The following CASK variants were observed in gnomAD, a reference collection of about 807,000 sequenced individuals.
CASK encodes the protein calcium/calmodulin dependent serine protein kinase.
Under a neutral mutation model 82.9 loss-of-function variants are expected in CASK, and 4 were observed. The ratio of observed to expected loss-of-function variants is 0.05; its 90% CI spans 0.02 to 0.11. The LOEUF (loss-of-function observed/expected upper bound fraction) is 0.11. Among genes scored for constraint, CASK ranks in the 10% least tolerant of loss-of-function variants. The pLI, the probability that CASK is intolerant of heterozygous loss-of-function variation, is 1.00. For missense variants in CASK, 358 were observed against 720.9 expected, an observed-to-expected ratio of 0.50 and a Z score of 5.76; for synonymous variants, 259 against 253.5, an observed-to-expected ratio of 1.02 and a Z score of -0.20.
chrX:41,721,636 T>A (rs1342482221), intron 5 of CASK, among the ~76,000 whole-genome samples: 1 of 112,186 alleles, frequency 8.9e-6, no homozygotes, highest in African/African-American at 3.2e-5. Context: ...AATTTCTTTC[T>A]AAGGCAGAGA....
At chrX:41,748,585 A>G (rs766922972) in intron 3 of CASK, 47 of 209,227 alleles carry the variant, frequency 2.2e-4, no homozygotes, top group African/African-American at 4.2e-4. Flanking sequence ...TATAGGAGGG[A>G]AAATCCTGGA....
chrX:41,787,340 G>C, intron 2 of CASK, 57 bp from the exon 3 acceptor site: 2 of 657,964 alleles, frequency 3.0e-6, no homozygotes, highest in Non-Finnish European at 5.1e-6. Flanking sequence ...CAATTAGAGT[G>C]AATGATGAAT....
At chrX:41,692,989 T>C (rs934169344) in intron 5 of CASK, among the ~76,000 whole-genome samples, 3 of 112,195 alleles carry the variant, frequency 2.7e-5, no homozygotes, top group African/African-American at 9.7e-5. Flanking sequence ...ATAATATTTA[T>C]TATGCTAAGC....
chrX:41,541,209 C>T (rs2064942364), intron 22 of CASK, among the ~76,000 whole-genome samples: 1 of 112,245 alleles, frequency 8.9e-6, no homozygotes, highest in South Asian at 3.7e-4. Context: ...TCTGCTGATA[C>T]TGCTGTGCAT....
At chrX:41,699,482 T>G (rs966177949) in intron 5 of CASK, among the ~76,000 whole-genome samples, 8 of 111,352 alleles carry the variant, frequency 7.2e-5, no homozygotes, top group Non-Finnish European at 1.5e-4. Flanking sequence ...TTCCTTCATG[T>G]CCTCAAACTT....
chrX:41,873,406 G>A (rs1385932246), intron 1 of CASK, among the ~76,000 whole-genome samples: 1 of 110,359 alleles, frequency 9.1e-6, no homozygotes, highest in African/African-American at 3.3e-5. Context: ...TGAAGTAAAA[G>A]GTGAAAAATG....
chrX:41,728,753 C>A (rs972595726), intron 5 of CASK: 6 of 122,219 alleles, frequency 4.9e-5, no homozygotes, highest in Non-Finnish European at 1.1e-4. Flanking sequence ...TAAAACAAAA[C>A]AAAAAAATAA....
At position 41,555,627 on chromosome X, in the gene CASK, T is replaced by G; in HGVS notation, c.1815A>C (p.Pro605=). 8.3e-7 allele frequency: 1 copy of G among 1,202,299 alleles called. No homozygotes were observed. The highest frequency in any genetic ancestry group is 1.1e-6 in the Non-Finnish European group (1 of 886,939). ...GTCGTCCTTTTGGTTGGGTAGTTGA[T>G]GGCAAGTCCTGTAGAATAAAGCCAA... is the stretch of plus-strand genomic sequence containing the variant. ...SSTNNSVSDL[P]STTQPKGRQI... is the part of the protein sequence containing the mutation. The change falls in exon 20 of 27, where the codon CCA becomes CCC. Residue 605 remains proline, a synonymous_variant. Coordinates refer to ENST00000378163, the MANE Select transcript of CASK (RefSeq NM_001367721.1).
chrX:41,873,306 AAGAG>A (rs1262905309), intron 1 of CASK, among the ~76,000 whole-genome samples: 104 of 105,517 alleles, frequency 9.9e-4, no homozygotes, highest in African/African-American at 3.1e-3. Context: ...AAAAAAAAAA[AAGAG>A]AGAGAGAGAG....
chrX:41,561,340 G>C (rs1318132553), intron 17 of CASK, among the ~76,000 whole-genome samples: 2 of 111,076 alleles, frequency 1.8e-5, no homozygotes, highest in Non-Finnish European at 3.8e-5. Context: ...GAGTGTTAAA[G>C]CCCACACTGC....
intron 12 of CASK, among the ~76,000 whole-genome samples, chrX:41,595,904 C>G (rs749050348): frequency 9.3e-4 from 104 of 111,905 alleles, no homozygotes; most frequent in African/African-American, 3.3e-3. Flanking sequence ...GAAAAATACA[C>G]TCAATATGAT....
At chrX:41,695,965 T>A in intron 5 of CASK, 1 of 1,206,025 alleles carries the variant, frequency 8.3e-7, no homozygotes, top group Non-Finnish European at 1.1e-6. Context: ...CCTTTCCGAA[T>A]AATGTATCAT....
chrX:41,736,073 C>A (rs1348790421), intron 5 of CASK, among the ~76,000 whole-genome samples: 1 of 111,966 alleles, frequency 8.9e-6, no homozygotes, highest in African/African-American at 3.3e-5. Context: ...ACACAGTAGG[C>A]ACTCAATAAA....
In CASK at chrX:41,904,609, T is replaced by C. The variant is rs187904391; in HGVS notation, c.59+18321A>G. Reference sequence around the variant, plus strand: ...TTCTTCCCAAAGTGATCTTTTTTTTTCCTCTTTCCAACTTTTATTTTAGGT... The same window carrying C: ...TTCTTCCCAAAGTGATCTTTTTTTTCCCTCTTTCCAACTTTTATTTTAGGT... On this transcript the variant is annotated intron_variant, in intron 1 of 26. Transcript: ENST00000378163. 3.7e-4 allele frequency among the ~76,000 whole-genome samples: 41 copies of C among 112,036 alleles called. No homozygotes were observed. The East Asian group carries it at 0.011, about 31-fold the overall frequency.
In CASK at chrX:41,636,778, A is replaced by T. The variant is rs2066561819; in HGVS notation, c.832-117T>A. 3 of 497,675 alleles carry T rather than the reference A, an allele frequency of 6.0e-6. No individual in the cohort carries two copies. The African/African-American group carries it at 7.2e-5, about 12-fold the overall frequency. The allele number at this position is 497,675 out of a possible 1,213,427, so 41.0% of individuals were successfully genotyped here. A position where few individuals can be genotyped will look rare whatever the true frequency, so the allele number is the denominator to read the frequency against. Reference sequence around the variant, plus strand: ...ATATAAAACTCAGATTGAATTTTAGATTGGAGATTTTATTCCATGATACTG... The same window carrying T: ...ATATAAAACTCAGATTGAATTTTAGTTTGGAGATTTTATTCCATGATACTG... On this transcript the variant is annotated intron_variant, in intron 8 of 26. Coordinates refer to ENST00000378163, the MANE Select transcript of CASK (RefSeq NM_001367721.1).
At chrX:41,569,545 C>A (rs1379739071) in intron 16 of CASK, 123 bp downstream of exon 16, 2 of 506,592 alleles carry the variant, frequency 3.9e-6, no homozygotes, top group Non-Finnish European at 6.8e-6. Context: ...AGCTCAAGAC[C>A]AGTCTGGGCA....
chrX:41,670,984 T>C (rs1196409263), intron 6 of CASK, among the ~76,000 whole-genome samples: 2 of 112,501 alleles, frequency 1.8e-5, no homozygotes, highest in East Asian at 5.5e-4. Flanking sequence ...TGCTTATTCT[T>C]TGCTAATATA....
chrX:41,522,670 G>C (rs141653717), intron 26 of CASK, among the ~76,000 whole-genome samples: 2 of 111,700 alleles, frequency 1.8e-5, no homozygotes, highest in Non-Finnish European at 3.8e-5. Flanking sequence ...CCACTAGCAG[G>C]GTTTATGATT....
At chrX:41,682,544 A>AG (rs1272379978) in intron 5 of CASK, among the ~76,000 whole-genome samples, 19 of 105,383 alleles carry the variant, frequency 1.8e-4, no homozygotes, top group African/African-American at 6.1e-4. Context: ...AAAAAAAAAA[A>AG]AAAAAAAAAA....
Sources: allele counts gnomAD v4.1 joint callset (sites outside exome capture counted in the v4.1 genomes callset), GRCh38; gene constraint gnomAD v4.1.1; transcripts MANE v1.5; gene names NCBI Gene and HGNC (gene_info 2026-07-23, HGNC 2026-07-21).